Variants in PHLPP1 observed in about 807,000 individuals in gnomAD.
PHLPP1 encodes PH domain and leucine rich repeat protein phosphatase 1, also known as PH domain leucine-rich repeat-containing protein phosphatase 1.
PHLPP1 carries 42 observed loss-of-function variants against 117.2 expected under a neutral mutation model. That is an observed-to-expected ratio of 0.36 (90% CI 0.28 to 0.46). The LOEUF (loss-of-function observed/expected upper bound fraction) is 0.46. Ranked by LOEUF, PHLPP1 falls within the 20% of genes least tolerant of loss-of-function variation. The pLI is 1.00. For missense variants in PHLPP1, 2,084 were observed against 2,241.9 expected (o/e 0.93, Z 1.42); for synonymous variants, 1,042 against 970.7 (o/e 1.07, Z -1.37).
chr18:62,723,815 C>T (rs1910990690), intron 1 of PHLPP1, among the ~76,000 whole-genome samples: 1 of 152,150 alleles, frequency 6.6e-6, no homozygotes, highest in South Asian at 2.1e-4. Flanking sequence ...CTTGGCATGA[C>T]TTTGGGCATT....
At chr18:62,931,141 G>A (rs894619757) in intron 10 of PHLPP1, among the ~76,000 whole-genome samples, 9 of 151,342 alleles carry the variant, frequency 5.9e-5, no homozygotes, top group African/African-American at 2.2e-4. Context: ...AGGTTGCAGT[G>A]AGCCAAGATC....
chr18:62,717,350 G>T (rs1385688473), intron 1 of PHLPP1, 91 bp downstream of exon 1: 2 of 1,489,288 alleles, frequency 1.3e-6, no homozygotes, highest in Admixed American at 4.7e-5. Flanking sequence ...CCCAACCCAA[G>T]AGTAAGTGCG....
intron 8 of PHLPP1, among the ~76,000 whole-genome samples, chr18:62,912,588 A>T (rs1295215766): frequency 6.6e-6 from 1 of 151,910 alleles, no homozygotes; most frequent in Non-Finnish European, 1.5e-5. Flanking sequence ...ATTTGCGTAC[A>T]TGGATGCATA....
chr18:62,937,152 G>C (rs896101594), intron 10 of PHLPP1, among the ~76,000 whole-genome samples: 1 of 152,138 alleles, frequency 6.6e-6, no homozygotes, highest in Admixed American at 6.5e-5. Flanking sequence ...AGGGTGTGCT[G>C]GAAATTACTA....
rs1916767960 is a variant in PHLPP1 at position 62,903,175 on chromosome 18, C to T, written c.2647+9C>T. The T allele has an allele frequency of 5.7e-6, 9 of 1,571,690 alleles. No individual in the cohort carries two copies. Among genetic ancestry groups the T allele is most frequent in the Non-Finnish European group, 7.9e-6 (9 of 1,144,562 alleles). ...CTATGCCTCTTCTAATGGTATGTAT[C>T]ATAGGCTACATCAAAGTTGCTCTTT... On this transcript the variant is annotated intron_variant, in intron 7 of 16. Transcript: ENST00000262719.
chr18:62,953,201 G>A (rs1435860171), intron 12 of PHLPP1, among the ~76,000 whole-genome samples: 1 of 152,186 alleles, frequency 6.6e-6, no homozygotes, highest in Non-Finnish European at 1.5e-5. Flanking sequence ...TCATAAGAAA[G>A]GGAGGCAGTG....
chr18:62,860,774 A>T (rs1915612807), intron 4 of PHLPP1, among the ~76,000 whole-genome samples, 173 bp downstream of exon 4: 6 of 152,220 alleles, frequency 3.9e-5, no homozygotes, highest in Admixed American at 3.9e-4. Context: ...TCTCAATCTG[A>T]AATTTTTTTT....
chr18:62,925,675 G>A (rs551125103), intron 10 of PHLPP1, among the ~76,000 whole-genome samples: 73 of 150,420 alleles, frequency 4.9e-4, no homozygotes, highest in African/African-American at 1.4e-3. Flanking sequence ...AGTGACGAGG[G>A]CTATCTTTTG....
At chr18:62,852,398 C>T (rs1915378065) in intron 3 of PHLPP1, among the ~76,000 whole-genome samples, 1 of 152,032 alleles carries the variant, frequency 6.6e-6, no homozygotes, top group Admixed American at 6.6e-5. Context: ...GGCTGGAGTG[C>T]AGTGGCCCAA....
At chr18:62,826,733 T>C (rs1350689611) in intron 1 of PHLPP1, among the ~76,000 whole-genome samples, 1 of 152,074 alleles carries the variant, frequency 6.6e-6, no homozygotes, top group East Asian at 1.9e-4. Context: ...CCGGGCGCGG[T>C]GGTTCATGCC....
In PHLPP1 at chr18:62,716,129, C is replaced by G. The variant is rs1251341722; in HGVS notation, c.446C>G (p.Ser149Trp). ...TCGTCGTCCTCGGCCGCTGCTGCCT[C>G]GCACTCCCCCGGCGCTGCCGGCCTC... is the stretch of plus-strand genomic sequence containing the variant. Reference protein sequence around the residue: ...SSSSSSAAAASHSPGAAGLPA... With the variant: ...SSSSSSAAAAWHSPGAAGLPA... The change falls in exon 1 of 17, where the codon TCG becomes TGG. Residue 149 changes from serine to tryptophan, a missense_variant. By Grantham distance (177) the Ser-to-Trp change is radical (BLOSUM62 -3). Around this residue, in one of 2 missense-constraint regions of PHLPP1, gnomAD observed 719 missense variants for 636.0 expected, o/e 1.13. Coordinates refer to ENST00000262719, the MANE Select transcript of PHLPP1 (RefSeq NM_194449.4). The surrounding 1 kb of genome is among the most constrained non-coding windows in gnomAD (Gnocchi z 5.7). 6.6e-7 allele frequency: 1 copy of G among 1,516,734 alleles called. No homozygotes were observed. The highest frequency in any genetic ancestry group is 1.2e-5 in the South Asian group (1 of 81,936). 94.0% of individuals were successfully genotyped at this position (1,516,734 alleles called of 1,614,324 possible). A position where few individuals can be genotyped will look rare whatever the true frequency, so the allele number is the denominator to read the frequency against.
intron 5 of PHLPP1, 97 bp downstream of exon 5, chr18:62,895,254 C>T: frequency 3.2e-6 from 4 of 1,268,814 alleles, no homozygotes; most frequent in South Asian, 2.7e-5. Context: ...TGTTATGTTG[C>T]TCATGTAAGT....
chr18:62,849,458 C>T (rs1393876784), intron 3 of PHLPP1, among the ~76,000 whole-genome samples: 12 of 151,512 alleles, frequency 7.9e-5, no homozygotes, highest in African/African-American at 2.7e-4. Flanking sequence ...GTCAGGAGTT[C>T]GAGACCACCC....
At chr18:62,894,659 C>T (rs1251871889) in intron 4 of PHLPP1, among the ~76,000 whole-genome samples, 2 of 152,254 alleles carry the variant, frequency 1.3e-5, no homozygotes, top group East Asian at 3.8e-4. Context: ...AACGCCAGCT[C>T]TGCCTGGTCC....
At chr18:62,746,634 A>G (rs1179805037) in intron 1 of PHLPP1, among the ~76,000 whole-genome samples, 1 of 151,938 alleles carries the variant, frequency 6.6e-6, no homozygotes, top group African/African-American at 2.4e-5. Context: ...CTGTGTAACT[A>G]TCCACCAGCT....
In PHLPP1 at chr18:62,715,696, G is replaced by A; in HGVS notation, c.13G>A (p.Ala5Thr). Residue 5 changes from alanine (A) to threonine (T), a missense_variant, in exon 1 of 17, where the codon GCC becomes ACC. Physicochemically the swap from Ala to Thr is moderately conservative, Grantham distance 58. Coordinates refer to ENST00000262719, the MANE Select transcript of PHLPP1 (RefSeq NM_194449.4). MEPAAAATVQRLPEL... is the reference protein window; with the variant it reads MEPATAATVQRLPEL... ...AAGCCCCACTGCAATGGAGCCCGCC[G>A]CCGCGGCCACGGTACAGCGACTCCC... The A allele has an allele frequency of 7.7e-7, 1 of 1,290,652 alleles. No homozygotes were observed. Among genetic ancestry groups the A allele is most frequent in the Non-Finnish European group, 9.8e-7 (1 of 1,016,742 alleles). 79.9% of individuals were successfully genotyped at this position (1,290,652 alleles called of 1,614,324 possible).
intron 6 of PHLPP1, 101 bp from the exon 7 acceptor site, chr18:62,902,863 A>T (rs1408821101): frequency 1.4e-6 from 1 of 711,892 alleles, no homozygotes; most frequent in Non-Finnish European, 2.4e-6. Flanking sequence ...ACTATAATAC[A>T]GAGAGAACTG....
intron 1 of PHLPP1, among the ~76,000 whole-genome samples, chr18:62,731,903 C>G (rs1035526211): frequency 6.6e-6 from 1 of 152,178 alleles, no homozygotes; most frequent in Non-Finnish European, 1.5e-5. Flanking sequence ...TCCTAACTCT[C>G]TTTAATTTTT....
At chr18:62,860,396 A>C in intron 3 of PHLPP1, 39 bp from the exon 4 acceptor site, 1 of 1,552,184 alleles carries the variant, frequency 6.4e-7, no homozygotes, top group African/African-American at 1.4e-5. Context: ...GTTATAGGAT[A>C]AGTGGATGGT....
Sources: allele counts gnomAD v4.1 joint callset (sites outside exome capture counted in the v4.1 genomes callset), GRCh38; gene constraint gnomAD v4.1.1; regional missense constraint gnomAD v4.1.1; non-coding constraint Gnocchi (gnomAD v3.1); transcripts MANE v1.5; gene names NCBI Gene and HGNC (gene_info 2026-07-23, HGNC 2026-07-21).